The following EMP1 variants were observed in gnomAD, a reference collection of about 807,000 sequenced individuals.
The protein encoded by EMP1 is epithelial membrane protein 1.
Under a neutral mutation model 15.7 loss-of-function variants are expected in EMP1, and 5 were observed. The observed-to-expected ratio is 0.32, with a 90% CI of 0.17 to 0.67. The LOEUF is 0.67. Ranked by LOEUF, EMP1 falls within the 30% of genes least tolerant of loss-of-function variation. EMP1 has a pLI of 0.74. For synonymous variants in EMP1, 78 were observed against 76.7 expected, an observed-to-expected ratio of 1.02 and a Z score of -0.09; for missense variants, 166 against 194.2, an observed-to-expected ratio of 0.85 and a Z score of 0.86.
At position 13,211,237 on chromosome 12, in the gene EMP1, C is replaced by G. The variant is rs1273371003; in HGVS notation, c.-42-232C>G. 6.6e-6 allele frequency among the ~76,000 whole-genome samples: 1 copy of G among 151,986 alleles called. No individual in the cohort carries two copies. Among genetic ancestry groups the G allele is most frequent in the Non-Finnish European group, 1.5e-5 (1 of 68,002 alleles). On this transcript the variant is annotated intron_variant, in intron 1 of 4. Transcript: ENST00000256951. This position sits in a 1 kb window ranked among gnomAD's most constrained non-coding sequence, Gnocchi z 4.7. The stretch of plus-strand genomic sequence containing the variant: ...ATTAGAGAAATGAATATGTAAATAC[C>G]CAAGAAGAAACCAAATTCTGTTTCC...
Position 13,215,001 on chromosome 12 carries a change from A to C in EMP1, c.*310A>C. The C allele has an allele frequency of 3.0e-6, 1 of 336,654 alleles. No individual in the cohort carries two copies. Among genetic ancestry groups the C allele is most frequent in the Non-Finnish European group, 5.7e-6 (1 of 174,298 alleles). The allele number at this position is 336,654 out of a possible 1,614,324, so 20.9% of individuals were successfully genotyped here. On this transcript the variant is annotated 3_prime_UTR_variant, in exon 5 of 5. Transcript: ENST00000256951. ...ACTGTCTGGGGCCCCATCAGCTGCC[A>C]CAACACCAGCCCCACTTCTGGGTCA...
chr12:13,204,179 C>A (rs1273319364), intron 1 of EMP1, among the ~76,000 whole-genome samples: 1 of 152,172 alleles, frequency 6.6e-6, no homozygotes, highest in South Asian at 2.1e-4. Context: ...CCACACCAAA[C>A]ATGAGCTATG....
rs533130206 is a variant in EMP1, at chr12:13,213,799, A to T, written c.294A>T (p.Ser98=). Residue 98 remains serine (S), a synonymous_variant, in exon 4 of 5, where the codon TCA becomes TCT. Coordinates refer to ENST00000256951, the MANE Select transcript of EMP1 (RefSeq NM_001423.3). ...AGAAGGGAAACCGGTTCTTCCTCTCAGGGGCCACCACACTGGTGTGCTGTG... is the reference window on the plus strand; with the variant it reads ...AGAAGGGAAACCGGTTCTTCCTCTCTGGGGCCACCACACTGGTGTGCTGTG... ...TMEKGNRFFL[S]GATTLVCWLC... The T allele has an allele frequency of 6.2e-7, 1 of 1,614,090 alleles. No homozygotes were observed. The highest frequency in any genetic ancestry group is 1.7e-5 in the Admixed American group (1 of 60,018).
chr12:13,203,944 CTA>C (rs1486398557), intron 1 of EMP1, among the ~76,000 whole-genome samples: 1 of 152,202 alleles, frequency 6.6e-6, no homozygotes, highest in Non-Finnish European at 1.5e-5. Context: ...TCACCCCTGA[CTA>C]TGTGAGACTC....
intron 1 of EMP1, among the ~76,000 whole-genome samples, chr12:13,197,316 G>T (rs1490640523): frequency 2.0e-5 from 3 of 152,196 alleles, no homozygotes; most frequent in Admixed American, 6.5e-5. Flanking sequence ...TACTCTGCTC[G>T]CTGGTTGTTG....
intron 1 of EMP1, among the ~76,000 whole-genome samples, chr12:13,200,989 T>C (rs1181827403): frequency 1.3e-5 from 2 of 152,222 alleles, no homozygotes; most frequent in Non-Finnish European, 2.9e-5. Context: ...CTGGAGCAGA[T>C]GTAAGACAGC....
At chr12:13,203,412 C>T (rs1320046845) in intron 1 of EMP1, among the ~76,000 whole-genome samples, 2 of 152,250 alleles carry the variant, frequency 1.3e-5, no homozygotes, top group African/African-American at 4.8e-5. Flanking sequence ...TGGCCTCAGT[C>T]TTTGCAGATG....
chr12:13,198,034 T>G (rs1307745482), intron 1 of EMP1, among the ~76,000 whole-genome samples: 1 of 152,092 alleles, frequency 6.6e-6, no homozygotes, highest in Non-Finnish European at 1.5e-5. Flanking sequence ...GGCTTTGTGC[T>G]TTCACCCCAG....
chr12:13,212,648 C>T (rs1408665039), intron 2 of EMP1, among the ~76,000 whole-genome samples: 1 of 152,192 alleles, frequency 6.6e-6, no homozygotes, highest in Non-Finnish European at 1.5e-5. Flanking sequence ...TGTGAATTAC[C>T]AGCCCCTAAT....
chr12:13,202,752 T>G (rs1864077179), intron 1 of EMP1, among the ~76,000 whole-genome samples: 1 of 152,132 alleles, frequency 6.6e-6, no homozygotes, highest in South Asian at 2.1e-4. Flanking sequence ...CCCTGTGTTT[T>G]TATAATTGGC....
chr12:13,206,380 C>T (rs1864110642), intron 1 of EMP1, among the ~76,000 whole-genome samples: 1 of 152,110 alleles, frequency 6.6e-6, no homozygotes, highest in South Asian at 2.1e-4. Context: ...AGAATCTCAC[C>T]CACTCTCAAA....
chr12:13,202,211 C>T (rs192311137), intron 1 of EMP1, among the ~76,000 whole-genome samples: 8 of 152,310 alleles, frequency 5.3e-5, no homozygotes, highest in East Asian at 3.9e-4. Context: ...GGCAGTCCTT[C>T]GGTCAAAATT....
At chr12:13,201,207 G>A (rs1010900407) in intron 1 of EMP1, among the ~76,000 whole-genome samples, 1 of 152,266 alleles carries the variant, frequency 6.6e-6, no homozygotes, top group East Asian at 1.9e-4. Flanking sequence ...AGGAGTTTGA[G>A]ACCAGTCTGG....
chr12:13,212,156 T>C (rs1216244441), intron 2 of EMP1, among the ~76,000 whole-genome samples: 1 of 152,046 alleles, frequency 6.6e-6, no homozygotes, highest in African/African-American at 2.4e-5. Context: ...CATGTGAAAG[T>C]GGAGTTTTGC....
chr12:13,198,102 C>A (rs894023271), intron 1 of EMP1, among the ~76,000 whole-genome samples: 1 of 152,288 alleles, frequency 6.6e-6, no homozygotes, highest in East Asian at 1.9e-4. Context: ...GATAAAAGAA[C>A]TTTTAAAAGA....
chr12:13,203,167 C>T (rs1408764942), intron 1 of EMP1, among the ~76,000 whole-genome samples: 2 of 152,206 alleles, frequency 1.3e-5, no homozygotes, highest in Non-Finnish European at 2.9e-5. Context: ...CCGCCATCTA[C>T]TGTTGGTCCC....
Position 13,217,699 on chromosome 12 carries a change from C to T in EMP1, c.*3008C>T, listed in dbSNP as rs1378043976. 6.6e-6 allele frequency: 1 copy of T among 152,198 alleles called. No homozygotes were observed. The highest frequency in any genetic ancestry group is 2.4e-5 in the African/African-American group (1 of 41,442). The allele number at this position is 152,198 out of a possible 1,614,324, so 9.4% of individuals were successfully genotyped here. The stretch of plus-strand genomic sequence containing the variant: ...CTCCTAGCTCTATCCAGAGTGTCCT[C>T]TGCTGCTAAGATTGGTATCTTTCTC... On this transcript the variant is annotated 3_prime_UTR_variant, in exon 5 of 5. Transcript: ENST00000256951.
chr12:13,213,954 T>C (rs747638498), intron 4 of EMP1, 133 bp downstream of exon 4: 3 of 1,330,718 alleles, frequency 2.3e-6, no homozygotes, highest in Middle Eastern at 1.8e-4. Flanking sequence ...TGGTTATTTG[T>C]TCTCTTGTGG....
chr12:13,199,749 A>C (rs1864046794), intron 1 of EMP1, among the ~76,000 whole-genome samples: 1 of 152,120 alleles, frequency 6.6e-6, no homozygotes, highest in South Asian at 2.1e-4. Flanking sequence ...GGCCAACTCT[A>C]ATTTTATTAA....
Sources: allele counts gnomAD v4.1 joint callset (sites outside exome capture counted in the v4.1 genomes callset), GRCh38; gene constraint gnomAD v4.1.1; non-coding constraint Gnocchi (gnomAD v3.1); transcripts MANE v1.5; gene names NCBI Gene and HGNC (gene_info 2026-07-23, HGNC 2026-07-21).